ROBO1: variants seen among roughly 807,000 people sequenced by gnomAD.
ROBO1 encodes roundabout guidance receptor 1.
Under a neutral mutation model 195.9 loss-of-function variants are expected in ROBO1, and 149 were observed. That is an observed-to-expected ratio of 0.76 (90% CI 0.67 to 0.87). The LOEUF (loss-of-function observed/expected upper bound fraction) is 0.87, where lower values mean the gene tolerates loss of function less well. Ranked by LOEUF, ROBO1 falls within the 40% of genes least tolerant of loss-of-function variation. The probability of loss-of-function intolerance (pLI) is 0.00; values close to 1 mark genes in which losing one functional copy is unlikely to be tolerated. For missense variants in ROBO1, 1,933 were observed against 2,068.3 expected, an observed-to-expected ratio of 0.93 and a Z score of 1.27; for synonymous variants, 816 against 733.2, an observed-to-expected ratio of 1.11 and a Z score of -1.82.
intron 24 of ROBO1, among the ~76,000 whole-genome samples, chr3:78,632,057 CTT>C (rs1705217716): frequency 1.3e-5 from 2 of 152,098 alleles, no homozygotes; most frequent in Admixed American, 1.3e-4. Context: ...TTAACAAAAA[CTT>C]TAGGTCAACA....
chr3:78,749,213 T>C (rs1446199911), intron 4 of ROBO1, among the ~76,000 whole-genome samples: 5 of 152,024 alleles, frequency 3.3e-5, no homozygotes, highest in African/African-American at 1.2e-4. Flanking sequence ...ACTTTTCAAA[T>C]AAAAGTAAAC....
chr3:78,605,336 C>G (rs1703407067), intron 29 of ROBO1, among the ~76,000 whole-genome samples: 1 of 152,114 alleles, frequency 6.6e-6, no homozygotes, highest in Non-Finnish European at 1.5e-5. Flanking sequence ...TAAGTATAAT[C>G]ATCCTGGACT....
chr3:79,240,995 A>T (rs2082505021), intron 2 of ROBO1, among the ~76,000 whole-genome samples: 1 of 152,290 alleles, frequency 6.6e-6, no homozygotes, highest in South Asian at 2.1e-4. Flanking sequence ...ATGCAAATAT[A>T]TTAGAATTAT....
At chr3:78,799,089 T>A (rs918021610) in intron 4 of ROBO1, among the ~76,000 whole-genome samples, 2 of 152,196 alleles carry the variant, frequency 1.3e-5, no homozygotes, top group Admixed American at 1.3e-4. Context: ...CCAATGATGG[T>A]CCTGGAATTC....
chr3:79,176,213 T>C (rs1297362117), intron 2 of ROBO1, among the ~76,000 whole-genome samples: 2 of 152,216 alleles, frequency 1.3e-5, no homozygotes. Context: ...ACACATATTT[T>C]GCATTAGTGT....
At chr3:78,707,974 GC>G (rs1275315271) in intron 8 of ROBO1, among the ~76,000 whole-genome samples, 1 of 152,142 alleles carries the variant, frequency 6.6e-6, no homozygotes, top group African/African-American at 2.4e-5. Flanking sequence ...CTGTTTTCAG[GC>G]CGTTCTTGGT....
intron 4 of ROBO1, among the ~76,000 whole-genome samples, chr3:78,863,083 A>G (rs112083268): frequency 0.014 from 2,081 of 152,338 alleles, 60 homozygotes; most frequent in African/African-American, 0.044. Context: ...ACGGAAAGTC[A>G]TTATTGAGTA....
At chr3:79,223,306 C>T (rs376213223) in intron 2 of ROBO1, among the ~76,000 whole-genome samples, 3 of 152,142 alleles carry the variant, frequency 2.0e-5, no homozygotes, top group South Asian at 2.1e-4. Flanking sequence ...CATAAATCTA[C>T]GTTCCCCTCT....
chr3:79,555,219 C>T (rs1942655612), intron 2 of ROBO1, among the ~76,000 whole-genome samples: 1 of 152,016 alleles, frequency 6.6e-6, no homozygotes, highest in Admixed American at 6.6e-5. Context: ...TTTGAGATTG[C>T]CACTCATATT....
At chr3:79,626,232 G>T (rs552803339) in intron 1 of ROBO1, among the ~76,000 whole-genome samples, 1 of 152,248 alleles carries the variant, frequency 6.6e-6, no homozygotes, top group East Asian at 1.9e-4. Flanking sequence ...GGATCATGAG[G>T]TCAAGAGATG....
chr3:79,087,894 C>T (rs1283399721), intron 3 of ROBO1, among the ~76,000 whole-genome samples: 1 of 152,048 alleles, frequency 6.6e-6, no homozygotes, highest in South Asian at 2.1e-4. Flanking sequence ...TTTCTAAAGA[C>T]TTGTTAATTA....
intron 2 of ROBO1, among the ~76,000 whole-genome samples, chr3:79,401,845 C>T (rs974869939): frequency 6.6e-6 from 1 of 151,776 alleles, no homozygotes; most frequent in African/African-American, 2.4e-5. Context: ...TTGGCAAAGA[C>T]AGCACTGAAA....
chr3:78,665,246 T>A (rs1158615819), intron 14 of ROBO1, among the ~76,000 whole-genome samples: 1 of 152,202 alleles, frequency 6.6e-6, no homozygotes, highest in Non-Finnish European at 1.5e-5. Flanking sequence ...AATTACTTGA[T>A]CCAGGCATAA....
intron 3 of ROBO1, among the ~76,000 whole-genome samples, chr3:79,061,667 A>G (rs1474541142): frequency 1.3e-5 from 2 of 152,172 alleles, no homozygotes; most frequent in Admixed American, 6.5e-5. Context: ...AGACCAATGG[A>G]ACAGAACAGA....
intron 3 of ROBO1, chr3:79,019,453 C>T: frequency 2.0e-6 from 2 of 986,302 alleles, no homozygotes; most frequent in Non-Finnish European, 1.2e-6. Flanking sequence ...TCCTCTCCAG[C>T]TCAATTGCTT....
At chr3:79,166,232 C>A (rs950316880) in intron 2 of ROBO1, among the ~76,000 whole-genome samples, 1 of 152,144 alleles carries the variant, frequency 6.6e-6, no homozygotes, top group Non-Finnish European at 1.5e-5. Flanking sequence ...CATACTTAAT[C>A]TAATGCCTAT....
At chr3:78,933,132 T>C (rs1047874848) in intron 4 of ROBO1, among the ~76,000 whole-genome samples, 1 of 152,098 alleles carries the variant, frequency 6.6e-6, no homozygotes, top group Non-Finnish European at 1.5e-5. Flanking sequence ...AGGTTATTTA[T>C]TGCTAGAAGG....
chr3:79,003,935 A>C lies in ROBO1; in HGVS notation c.173-65008T>G, dbSNP rs1238518359. On this transcript the variant is annotated intron_variant, in intron 3 of 30. Transcript: ENST00000464233. Reference sequence around the variant, plus strand: ...AAACCACATACCCATGGCATGGTGAAAAACTATTTAATGGCAGATTCGAAG... The same window carrying C: ...AAACCACATACCCATGGCATGGTGACAAACTATTTAATGGCAGATTCGAAG... 1.3e-5 allele frequency among the ~76,000 whole-genome samples: 2 copies of C among 152,316 alleles called. 1 individual carries two copies. The highest frequency in any genetic ancestry group is 3.9e-4 in the East Asian group (2 of 5,184).
At chr3:79,384,502 T>G (rs551672783) in intron 2 of ROBO1, among the ~76,000 whole-genome samples, 1 of 151,950 alleles carries the variant, frequency 6.6e-6, no homozygotes, top group South Asian at 2.1e-4. Context: ...AATTAAGAAA[T>G]TAGAAGGAAG....
Sources: allele counts gnomAD v4.1 joint callset (sites outside exome capture counted in the v4.1 genomes callset), GRCh38; gene constraint gnomAD v4.1.1; transcripts MANE v1.5; gene names NCBI Gene and HGNC (gene_info 2026-07-23, HGNC 2026-07-21).